WDPCP: variants seen among roughly 807,000 people sequenced by gnomAD.
WDPCP encodes WD repeat containing planar cell polarity effector, also known as WD repeat-containing and planar cell polarity effector protein fritz homolog.
WDPCP carries 71 observed loss-of-function variants against 93.1 expected under a neutral mutation model. That is an observed-to-expected ratio of 0.76 (90% CI 0.63 to 0.93). The LOEUF (loss-of-function observed/expected upper bound fraction) is 0.93, where lower values mean the gene tolerates loss of function less well. Ranked by LOEUF, WDPCP falls within the 40% of genes least tolerant of loss-of-function variation. The probability of loss-of-function intolerance (pLI) is 0.00; values close to 1 mark genes in which losing one functional copy is unlikely to be tolerated. For missense variants in WDPCP, 844 were observed against 887.4 expected (o/e 0.95, Z 0.62); for synonymous variants, 315 against 315.0 (o/e 1.00, Z 0.00).
chr2:63,475,276 G>A (rs903139312), intron 6 of WDPCP, among the ~76,000 whole-genome samples: 4 of 151,984 alleles, frequency 2.6e-5, no homozygotes, highest in Non-Finnish European at 5.9e-5. Context: ...GTTTTTCTTT[G>A]ATGGTACATT....
intron 2 of WDPCP, among the ~76,000 whole-genome samples, chr2:63,688,854 A>G (rs982438631): frequency 2.0e-5 from 3 of 152,158 alleles, no homozygotes; most frequent in African/African-American, 7.2e-5. Flanking sequence ...TTAAAAGGTG[A>G]TTAGGTCATG....
intron 2 of WDPCP, among the ~76,000 whole-genome samples, chr2:63,739,395 T>C (rs1039468819): frequency 1.3e-5 from 2 of 152,180 alleles, no homozygotes; most frequent in African/African-American, 4.8e-5. Context: ...CCATGGTGTA[T>C]ATGTACCACA....
At chr2:63,765,426 C>G (rs1192580222) in intron 2 of WDPCP, among the ~76,000 whole-genome samples, 1 of 152,178 alleles carries the variant, frequency 6.6e-6, no homozygotes, top group African/African-American at 2.4e-5. Flanking sequence ...TACTTCCCTG[C>G]ACTTGTGGAC....
chr2:63,183,090 C>A (rs574210299), intron 14 of WDPCP, among the ~76,000 whole-genome samples: 2 of 151,990 alleles, frequency 1.3e-5, no homozygotes, highest in South Asian at 4.1e-4. Flanking sequence ...AACCAACTTT[C>A]TGTTTCTTTG....
chr2:63,251,522 C>T (rs543755456), intron 14 of WDPCP, among the ~76,000 whole-genome samples: 60 of 132,878 alleles, frequency 4.5e-4, no homozygotes, highest in East Asian at 1.6e-3. Flanking sequence ...GACAGAGTCT[C>T]GCTCTGTCGT....
intron 13 of WDPCP, among the ~76,000 whole-genome samples, chr2:63,298,350 G>A (rs1395194086): frequency 6.6e-6 from 1 of 152,054 alleles, no homozygotes; most frequent in African/African-American, 2.4e-5. Context: ...CGTATGCAAA[G>A]TATTGTTTCT....
intron 12 of WDPCP, among the ~76,000 whole-genome samples, chr2:63,347,711 C>A (rs1689289374): frequency 6.9e-6 from 1 of 144,434 alleles, no homozygotes; most frequent in Non-Finnish European, 1.5e-5. Flanking sequence ...GAAGAAATAA[C>A]TTCTGAGAGG....
At chr2:63,226,748 T>C (rs1453374970) in intron 14 of WDPCP, among the ~76,000 whole-genome samples, 3 of 151,900 alleles carry the variant, frequency 2.0e-5, no homozygotes, top group Admixed American at 6.6e-5. Context: ...ACTAGAAATA[T>C]TATGTTTCTC....
intron 1 of WDPCP, among the ~76,000 whole-genome samples, chr2:63,562,730 T>TA (rs775358374): frequency 4.6e-5 from 7 of 152,188 alleles, no homozygotes; most frequent in Non-Finnish European, 8.8e-5. Flanking sequence ...TTCATGTATG[T>TA]ACTTGTGAAT....
upstream of WDPCP, chr2:63,588,705 CTTTCCTCCTGAGCCCAAACCATCCG>C: frequency 2.0e-6 from 1 of 488,478 alleles, no homozygotes; most frequent in Non-Finnish European, 3.7e-6. Context: ...CAGGCAGGTC[CTTTCCTCCTGAGCCCAAACCATCCG>C]TTTGTTGTCG....
intron 14 of WDPCP, among the ~76,000 whole-genome samples, chr2:63,195,651 A>G (rs934431938): frequency 6.6e-6 from 1 of 152,138 alleles, no homozygotes; most frequent in African/African-American, 2.4e-5. Flanking sequence ...ATATTAAAAA[A>G]AAGTTTTTGG....
At chr2:63,336,237 CG>C (rs1688356443) in intron 12 of WDPCP, among the ~76,000 whole-genome samples, 1 of 152,116 alleles carries the variant, frequency 6.6e-6, no homozygotes, top group Non-Finnish European at 1.5e-5. Context: ...GGATCAGGAC[CG>C]CTTTCCTGTA....
Position 63,603,818 on chromosome 2 carries a change from C to T in WDPCP, n.488+46841G>A, listed in dbSNP as rs757049764. On this transcript the variant is annotated intron_variant and non_coding_transcript_variant, in intron 3 of 4. Transcript: ENST00000467687. ...GATTACAGACATGTGCCACCAAGCC[C>T]GGCTAACTTTGTATTTTTAGTAGAG... Among the ~76,000 whole-genome samples, 7 of 152,074 alleles carry T rather than the reference C, an allele frequency of 4.6e-5. No individual in the cohort carries two copies. The East Asian group carries it at 5.8e-4, about 13-fold the overall frequency.
intron 13 of WDPCP, among the ~76,000 whole-genome samples, chr2:63,304,408 G>C (rs903164100): frequency 2.6e-5 from 4 of 152,204 alleles, no homozygotes; most frequent in African/African-American, 9.7e-5. Context: ...AGACTGGTTA[G>C]ATGGTGGGTG....
intron 2 of WDPCP, among the ~76,000 whole-genome samples, chr2:63,745,065 T>C (rs568666984): frequency 1.3e-5 from 2 of 152,254 alleles, no homozygotes; most frequent in East Asian, 3.9e-4. Context: ...TTTAGTCTGG[T>C]TGTTCATTTG....
intron 2 of WDPCP, among the ~76,000 whole-genome samples, chr2:63,731,397 AC>A (rs1282935641): frequency 6.6e-6 from 1 of 152,198 alleles, no homozygotes; most frequent in Admixed American, 6.5e-5. Context: ...TAACCTATTA[AC>A]CATAATGTAC....
intron 1 of WDPCP, among the ~76,000 whole-genome samples, chr2:63,495,616 A>G (rs1701176634): frequency 6.6e-6 from 1 of 152,210 alleles, no homozygotes. Context: ...TCAGCTTAGT[A>G]GCTAACTTGG....
rs150510680 is a variant in WDPCP, at chr2:63,685,622, G to A, written n.309-34784C>T. ...CGTTCTGTGACGACAGTATAATCCC[G>A]ATACCAAAAACCAGAAAAGACACAT... On this transcript the variant is annotated intron_variant and non_coding_transcript_variant, in intron 2 of 4. Transcript: ENST00000467687. Among the ~76,000 whole-genome samples, 61 of 152,154 alleles carry A rather than the reference G, an allele frequency of 4.0e-4. 1 individual carries two copies. Among genetic ancestry groups the A allele is most frequent in the African/African-American group, 1.4e-3 (59 of 41,516 alleles).
At chr2:63,449,926 G>A (rs1284950688) in intron 6 of WDPCP, among the ~76,000 whole-genome samples, 1 of 152,176 alleles carries the variant, frequency 6.6e-6, no homozygotes, top group Non-Finnish European at 1.5e-5. Context: ...TACAGCACTG[G>A]TTGGTCCCAA....
Sources: gnomAD v4.1 joint callset for allele counts (sites outside exome capture counted in the v4.1 genomes callset) on GRCh38, gnomAD v4.1.1 for gene constraint, MANE v1.5 for transcripts, NCBI Gene and HGNC (gene_info 2026-07-23, HGNC 2026-07-21) for gene names.